The following ZNF555 variants were observed in gnomAD, a reference collection of about 807,000 sequenced individuals.
ZNF555 encodes the protein zinc finger protein 555.
A neutral mutation model predicts 14.0 loss-of-function variants in ZNF555; 10 were observed. The ratio of observed to expected loss-of-function variants is 0.72; its 90% CI spans 0.44 to 1.21. The LOEUF (loss-of-function observed/expected upper bound fraction) is 1.21. Among genes scored for constraint, ZNF555 ranks in the 50% most tolerant of loss-of-function variants. ZNF555 has a pLI of 0.00. For missense variants in ZNF555, 747 were observed against 762.0 expected, an observed-to-expected ratio of 0.98 and a Z score of 0.23; for synonymous variants, 277 against 262.4, an observed-to-expected ratio of 1.06 and a Z score of -0.54.
At chr19:2,848,182 G>A (rs1173152359) in intron 1 of ZNF555, among the ~76,000 whole-genome samples, 1 of 148,982 alleles carries the variant, frequency 6.7e-6, no homozygotes, top group Non-Finnish European at 1.5e-5. Flanking sequence ...GCTGGAGTCT[G>A]GCTCTGTCGC....
intron 1 of ZNF555, among the ~76,000 whole-genome samples, chr19:2,848,392 T>G (rs1160622125): frequency 6.6e-6 from 1 of 151,774 alleles, no homozygotes; most frequent in Non-Finnish European, 1.5e-5. Flanking sequence ...GACCTCGTGA[T>G]CCACCTGCCT....
chr19:2,856,550 A>G lies in ZNF555; in HGVS notation c.*2598A>G, dbSNP rs2087684891. On this transcript the variant is annotated 3_prime_UTR_variant, in exon 4 of 4. Transcript: ENST00000334241. ...GGTTAATAACAATTAAAAAGCGGAA[A>G]TAATGGTTTTGTCAAGGCCCTCTAC... is the stretch of plus-strand genomic sequence containing the variant. The G allele has an allele frequency of 6.6e-6, 1 of 152,232 alleles. No individual in the cohort carries two copies. Among genetic ancestry groups the G allele is most frequent in the Admixed American group, 6.5e-5 (1 of 15,288 alleles). The allele number at this position is 152,232 out of a possible 1,614,324, so 9.4% of individuals were successfully genotyped here. A position where few individuals can be genotyped will look rare whatever the true frequency, so the allele number is the denominator to read the frequency against.
chr19:2,841,572 C>T lies in ZNF555; in HGVS notation c.-1C>T. ...CGGTAGCGAAGAAATCGCCCCGGGA[C>T]ATGGTGAGTGTGGCGCAGGAGAGGA... is the stretch of plus-strand genomic sequence containing the variant. On this transcript the variant is annotated 5_prime_UTR_variant, in exon 1 of 4. Coordinates refer to ENST00000334241, the MANE Select transcript of ZNF555 (RefSeq NM_152791.5). 1 of 1,543,212 alleles carries T rather than the reference C, an allele frequency of 6.5e-7. No individual in the cohort carries two copies. The highest frequency in any genetic ancestry group is 8.7e-7 in the Non-Finnish European group (1 of 1,143,622).
At position 2,851,475 on chromosome 19, in the gene ZNF555, A is replaced by G. The variant is rs372572225; in HGVS notation, c.138A>G (p.Glu46=). ...TTTACTTTTTGGTTTCAGATGATGA[A>G]ACTCAATTTAAGGCCAGTGGGTCAG... ...TFQNLASVDD[E]TQFKASGSVS... The change falls in exon 3 of 4, where the codon GAA becomes GAG. Residue 46 remains glutamate, a synonymous_variant. Coordinates refer to ENST00000334241, the MANE Select transcript of ZNF555 (RefSeq NM_152791.5). The G allele has an allele frequency of 6.0e-5, 95 of 1,576,056 alleles. No homozygotes were observed. Among genetic ancestry groups the G allele is most frequent in the Non-Finnish European group, 8.0e-5 (93 of 1,166,070 alleles).
intron 1 of ZNF555, among the ~76,000 whole-genome samples, chr19:2,849,679 G>A (rs1180850682): frequency 6.6e-6 from 1 of 150,868 alleles, no homozygotes; most frequent in Non-Finnish European, 1.5e-5. Flanking sequence ...GTAGAGATGA[G>A]GTTTCACCAT....
chr19:2,844,299 C>T (rs553745128), intron 1 of ZNF555, among the ~76,000 whole-genome samples: 1 of 152,274 alleles, frequency 6.6e-6, no homozygotes, highest in East Asian at 1.9e-4. Context: ...AATGGGCTTT[C>T]ACCACATTGG....
In ZNF555 at chr19:2,855,928, T is replaced by C. The variant is rs1218585816; in HGVS notation, c.*1976T>C. 1 of 152,186 alleles carries C rather than the reference T, an allele frequency of 6.6e-6. No homozygotes were observed. The highest frequency in any genetic ancestry group is 1.9e-4 in the East Asian group (1 of 5,198). The allele number at this position is 152,186 out of a possible 1,614,324, so 9.4% of individuals were successfully genotyped here. ...CACTCTACTTCAGTATGATTTTACC[T>C]TAACTAATTACATTGGCAACAGCTC... is the stretch of plus-strand genomic sequence containing the variant. On this transcript the variant is annotated 3_prime_UTR_variant, in exon 4 of 4. Coordinates refer to ENST00000334241, the MANE Select transcript of ZNF555 (RefSeq NM_152791.5).
intron 1 of ZNF555, among the ~76,000 whole-genome samples, chr19:2,845,560 T>G (rs1484322726): frequency 6.6e-6 from 1 of 152,238 alleles, no homozygotes; most frequent in Non-Finnish European, 1.5e-5. Flanking sequence ...GAGGTTGTAC[T>G]AACTTACATT....
Position 2,851,177 on chromosome 19 carries a change from T to C in ZNF555, c.131-291T>C, listed in dbSNP as rs559372747. Reference sequence around the variant, plus strand: ...CATCCCTGGCCAATTTTTGTATTTTTAGTAGAGACGGGGTTTCACCATGTC... The same window carrying C: ...CATCCCTGGCCAATTTTTGTATTTTCAGTAGAGACGGGGTTTCACCATGTC... On this transcript the variant is annotated intron_variant, in intron 2 of 3. Coordinates refer to ENST00000334241, the MANE Select transcript of ZNF555 (RefSeq NM_152791.5). Among the ~76,000 whole-genome samples, 30 of 152,158 alleles carry C rather than the reference T, an allele frequency of 2.0e-4. No homozygotes were observed. The South Asian group carries it at 5.8e-3, about 29-fold the overall frequency.
intron 1 of ZNF555, among the ~76,000 whole-genome samples, chr19:2,844,644 T>G (rs1024215385): frequency 6.6e-6 from 1 of 152,226 alleles, no homozygotes; most frequent in Admixed American, 6.5e-5. Context: ...GTAAACACAT[T>G]GTTGCATAAA....
intron 1 of ZNF555, among the ~76,000 whole-genome samples, chr19:2,844,963 T>C (rs963363916): frequency 1.3e-5 from 2 of 152,188 alleles, no homozygotes; most frequent in South Asian, 2.1e-4. Flanking sequence ...AATGGAATCA[T>C]TATTTTTTTA....
intron 1 of ZNF555, among the ~76,000 whole-genome samples, chr19:2,843,434 T>C (rs1417163034): frequency 6.6e-6 from 1 of 152,182 alleles, no homozygotes; most frequent in Non-Finnish European, 1.5e-5. Context: ...CTTGTTCTTT[T>C]CTTTTGAATG....
In ZNF555 at chr19:2,857,310, G is replaced by T. The variant is rs1176294872; in HGVS notation, c.*3358G>T. The T allele has an allele frequency of 1.3e-5, 2 of 152,200 alleles. No homozygotes were observed. The highest frequency in any genetic ancestry group is 2.9e-5 in the Non-Finnish European group (2 of 68,040). 9.4% of individuals were successfully genotyped at this position (152,200 alleles called of 1,614,324 possible). Reference sequence around the variant, plus strand: ...GGACAACAGAGTCTTGTATATTCATGTAGCTCATGATGATGGAATCAAGTT... The same window carrying T: ...GGACAACAGAGTCTTGTATATTCATTTAGCTCATGATGATGGAATCAAGTT... On this transcript the variant is annotated 3_prime_UTR_variant, in exon 4 of 4. Transcript: ENST00000334241.
chr19:2,853,542 A>G lies in ZNF555; in HGVS notation c.1477A>G (p.Ile493Val). Residue 493 changes from isoleucine to valine, a missense_variant, in exon 4 of 4, where the codon ATA becomes GTA. Transcript: ENST00000334241. ...ATGTGGGAAAGCTTTCTATTGCCACATATCCTTACAAAAACATATGAGAAG... is the reference window on the plus strand; with the variant it reads ...ATGTGGGAAAGCTTTCTATTGCCACGTATCCTTACAAAAACATATGAGAAG... ...KLCGKAFYCH[I>V]SLQKHMRRHT... is the part of the protein sequence containing the mutation. 1 of 1,611,106 alleles carries G rather than the reference A, an allele frequency of 6.2e-7. No homozygotes were observed. Among genetic ancestry groups the G allele is most frequent in the Non-Finnish European group, 8.5e-7 (1 of 1,177,758 alleles).
chr19:2,850,104 G>A (rs763739091), intron 1 of ZNF555, among the ~76,000 whole-genome samples: 10 of 152,242 alleles, frequency 6.6e-5, no homozygotes, highest in Non-Finnish European at 8.8e-5. Context: ...TCTTTAAGAC[G>A]CTATGGCTAC....
At position 2,860,386 on chromosome 19, in the gene ZNF555, C is replaced by G. The variant is rs573034967; in HGVS notation, c.*6434C>G. 4.6e-5 allele frequency: 7 copies of G among 152,042 alleles called. No individual in the cohort carries two copies. The East Asian group carries it at 1.2e-3, about 25-fold the overall frequency. The allele number at this position is 152,042 out of a possible 1,614,324, so 9.4% of individuals were successfully genotyped here. A position where few individuals can be genotyped will look rare whatever the true frequency, so the allele number is the denominator to read the frequency against. On this transcript the variant is annotated 3_prime_UTR_variant, in exon 4 of 4. Transcript: ENST00000334241. Reference sequence around the variant, plus strand: ...GTCTTTGTGTGATGAAATATAAAGGCCTAGCAGGCTCAGAGTTATTAATGA... The same window carrying G: ...GTCTTTGTGTGATGAAATATAAAGGGCTAGCAGGCTCAGAGTTATTAATGA...
Position 2,852,423 on chromosome 19 carries a change from T to G in ZNF555, c.358T>G (p.Cys120Gly), listed in dbSNP as rs749220114. The G allele has an allele frequency of 1.9e-6, 3 of 1,614,186 alleles. No individual in the cohort carries two copies. The South Asian group carries it at 3.3e-5, about 18-fold the overall frequency. ...LERLCESNDQCGEALSQIPHL... is the reference protein window; with the variant it reads ...LERLCESNDQGGEALSQIPHL... ...GAGACTCTGTGAAAGTAATGATCAA[T>G]GTGGAGAAGCCCTCAGCCAGATTCC... The change falls in exon 4 of 4, where the codon TGT (cysteine) becomes GGT (glycine). Residue 120 changes from cysteine (C) to glycine (G), a missense_variant. Physicochemically the swap from Cys to Gly is radical, Grantham distance 159 (BLOSUM62 -3). Transcript: ENST00000334241.
chr19:2,842,225 C>T (rs997665322), intron 1 of ZNF555, among the ~76,000 whole-genome samples: 19 of 152,302 alleles, frequency 1.2e-4, no homozygotes, highest in African/African-American at 4.6e-4. Flanking sequence ...GAGGTTTCCT[C>T]CCCTGAGTCC....
In ZNF555 at chr19:2,851,031, C is replaced by T. The variant is rs184812869; in HGVS notation, c.130+318C>T. On this transcript the variant is annotated intron_variant, in intron 2 of 3. Coordinates refer to ENST00000334241, the MANE Select transcript of ZNF555 (RefSeq NM_152791.5). ...TTTTTTTTTTTGAGATGGAGTCTCA[C>T]TCTGTCGCCCAGGCTGGAGTGCAGT... is the stretch of plus-strand genomic sequence containing the variant. Among the ~76,000 whole-genome samples, 115 of 144,406 alleles carry T rather than the reference C, an allele frequency of 8.0e-4. 1 individual carries two copies. The highest frequency in any genetic ancestry group is 2.8e-3 in the African/African-American group (109 of 38,534). The allele number at this position is 144,406 out of a possible 152,430, so 94.7% of individuals were successfully genotyped here. A position where few individuals can be genotyped will look rare whatever the true frequency, so the allele number is the denominator to read the frequency against.
Sources: allele counts gnomAD v4.1 joint callset (sites outside exome capture counted in the v4.1 genomes callset), GRCh38; gene constraint gnomAD v4.1.1; transcripts MANE v1.5; gene names NCBI Gene and HGNC (gene_info 2026-07-23, HGNC 2026-07-21).